The following FGD4 variants were observed in gnomAD, a reference collection of about 807,000 sequenced individuals.
FGD4 encodes the protein FYVE, RhoGEF and PH domain-containing protein 4.
FGD4 carries 42 observed loss-of-function variants against 102.0 expected under a neutral mutation model. The ratio of observed to expected loss-of-function variants is 0.41; its 90% CI spans 0.32 to 0.53. The LOEUF is 0.53. Ranked by LOEUF, FGD4 falls within the 20% of genes least tolerant of loss-of-function variation. The pLI is 0.21. For synonymous variants in FGD4, 380 were observed against 375.7 expected (o/e 1.01, Z -0.13); for missense variants, 902 against 1,078.2 (o/e 0.84, Z 2.29).
At chr12:32,425,718 T>G (rs143378103) in intron 1 of FGD4, among the ~76,000 whole-genome samples, 8,911 of 152,298 alleles carry the variant, frequency 0.059, 385 homozygotes, top group South Asian at 0.13. Context: ...GGAATGTTTT[T>G]CCATTTGTTT....
chr12:32,433,923 T>A (rs1942138399), intron 1 of FGD4, among the ~76,000 whole-genome samples: 2 of 152,050 alleles, frequency 1.3e-5, no homozygotes, highest in Non-Finnish European at 2.9e-5. Flanking sequence ...TGGCGTGATC[T>A]TGGCTCACTG....
intron 1 of FGD4, among the ~76,000 whole-genome samples, chr12:32,421,974 A>C (rs1483992564): frequency 1.3e-5 from 2 of 151,716 alleles, no homozygotes; most frequent in Non-Finnish European, 2.9e-5. Flanking sequence ...CCCTGTCTCT[A>C]CTAAAAAAAA....
At chr12:32,400,010 G>T in intron 1 of FGD4, 51 bp downstream of exon 1, 3 of 1,412,486 alleles carry the variant, frequency 2.1e-6, no homozygotes, top group Non-Finnish European at 2.7e-6. Context: ...GTAGGTGCGG[G>T]TGAGGGGCGC....
intron 15 of FGD4, among the ~76,000 whole-genome samples, chr12:32,635,055 T>C (rs1361198579): frequency 1.3e-5 from 2 of 152,182 alleles, no homozygotes; most frequent in African/African-American, 4.8e-5. Context: ...AGCGTACAAG[T>C]ATACCTGTAC....
chr12:32,527,450 G>A (rs7980571), intron 1 of FGD4, among the ~76,000 whole-genome samples: 27,600 of 151,134 alleles, frequency 0.18, 3,066 homozygotes, highest in Middle Eastern at 0.35. Flanking sequence ...TTTTTTTTGA[G>A]ACAGAGTCTC....
At chr12:32,594,807 G>A (rs747439858) in intron 4 of FGD4, among the ~76,000 whole-genome samples, 9 of 152,148 alleles carry the variant, frequency 5.9e-5, no homozygotes, top group Admixed American at 1.3e-4. Context: ...CAAAGCAGGC[G>A]GAACACAAGG....
At chr12:32,625,901 C>A in intron 14 of FGD4, 122 bp downstream of exon 14, 2 of 1,325,468 alleles carry the variant, frequency 1.5e-6, no homozygotes, top group Non-Finnish European at 2.2e-6. Context: ...ATTTTGGTGC[C>A]AATTACGTGC....
chr12:32,618,668 C>CA (rs1949598618), intron 10 of FGD4, among the ~76,000 whole-genome samples: 1 of 151,914 alleles, frequency 6.6e-6, no homozygotes, highest in Non-Finnish European at 1.5e-5. Context: ...CCTGTATCTA[C>CA]AAAAAAAATT....
chr12:32,555,506 T>A (rs1004370534), intron 1 of FGD4, among the ~76,000 whole-genome samples: 13 of 150,942 alleles, frequency 8.6e-5, no homozygotes, highest in African/African-American at 3.2e-4. Context: ...TGGGTGCAAG[T>A]GGGAGACGAG....
intron 11 of FGD4, 41 bp downstream of exon 11, chr12:32,619,911 GCAAC>G: frequency 6.2e-7 from 1 of 1,606,122 alleles, no homozygotes; most frequent in Non-Finnish European, 8.5e-7. Flanking sequence ...CCAAAATCAG[GCAAC>G]AGAATGAATC....
chr12:32,532,298 A>G (rs1015528173), intron 1 of FGD4, among the ~76,000 whole-genome samples: 4 of 152,208 alleles, frequency 2.6e-5, no homozygotes, highest in Non-Finnish European at 5.9e-5. Context: ...GATCACAGGT[A>G]AAGGGTGACT....
At chr12:32,634,981 T>C (rs910214770) in intron 15 of FGD4, among the ~76,000 whole-genome samples, 2 of 107,946 alleles carry the variant, frequency 1.9e-5, no homozygotes, top group African/African-American at 1.0e-4. Context: ...AGCTAGACTC[T>C]GTCTCAAAAA....
At position 32,576,464 on chromosome 12, in the gene FGD4, A is replaced by C; in HGVS notation, c.503+15A>C. 6.2e-7 allele frequency: 1 copy of C among 1,614,036 alleles called. No individual in the cohort carries two copies. Among genetic ancestry groups the C allele is most frequent in the Non-Finnish European group, 8.5e-7 (1 of 1,179,886 alleles). ...GAAGGAGGCAGGTAAGAGCTAATTT[A>C]CAATGGGAGAAGGCAGGAGAAGAAG... On this transcript the variant is annotated intron_variant, in intron 3 of 16. Transcript: ENST00000534526.
At chr12:32,471,022 T>A (rs1247670100) in intron 1 of FGD4, among the ~76,000 whole-genome samples, 1 of 152,188 alleles carries the variant, frequency 6.6e-6, no homozygotes, top group South Asian at 2.1e-4. Context: ...GACCCTGTGA[T>A]GGTTAATTTT....
chr12:32,599,382 T>C (rs1948168731), intron 5 of FGD4, among the ~76,000 whole-genome samples: 1 of 139,190 alleles, frequency 7.2e-6, no homozygotes, highest in Middle Eastern at 3.5e-3. Flanking sequence ...TAGTCCCAGC[T>C]ACTCGGGAGG....
chr12:32,644,984 A>G lies in FGD4; in HGVS notation c.*4451A>G, dbSNP rs1951336569. The G allele has an allele frequency of 6.6e-6, 1 of 152,070 alleles. No homozygotes were observed. Among genetic ancestry groups the G allele is most frequent in the South Asian group, 2.1e-4 (1 of 4,828 alleles). The allele number at this position is 152,070 out of a possible 1,614,324, so 9.4% of individuals were successfully genotyped here. A position where few individuals can be genotyped will look rare whatever the true frequency, so the allele number is the denominator to read the frequency against. On this transcript the variant is annotated 3_prime_UTR_variant, in exon 17 of 17. Coordinates refer to ENST00000534526, the MANE Select transcript of FGD4 (RefSeq NM_001370298.3). Reference sequence around the variant, plus strand: ...ATCTTTTCCTGTATTTTGACATGAAATAGCACATGGCTTCTACAAGATAGT... The same window carrying G: ...ATCTTTTCCTGTATTTTGACATGAAGTAGCACATGGCTTCTACAAGATAGT...
chr12:32,540,416 A>G (rs1316575676), intron 1 of FGD4, among the ~76,000 whole-genome samples: 1 of 152,378 alleles, frequency 6.6e-6, no homozygotes, highest in Admixed American at 6.5e-5. Flanking sequence ...ACGTATGCAA[A>G]AGCAGAGAGA....
At chr12:32,534,159 C>T (rs539454991) in intron 1 of FGD4, 1 of 289,544 alleles carries the variant, frequency 3.5e-6, no homozygotes, top group African/African-American at 2.3e-5. Flanking sequence ...TTAAAGGTTC[C>T]ATGTGCCTCA....
chr12:32,515,771 G>A (rs1051255025), intron 1 of FGD4, among the ~76,000 whole-genome samples: 5 of 152,098 alleles, frequency 3.3e-5, no homozygotes, highest in Non-Finnish European at 5.9e-5. Context: ...AAGAGACATG[G>A]GCAGATGGAA....
Sources: gnomAD v4.1 joint callset for allele counts (sites outside exome capture counted in the v4.1 genomes callset) on GRCh38, gnomAD v4.1.1 for gene constraint, MANE v1.5 for transcripts, NCBI Gene and HGNC (gene_info 2026-07-23, HGNC 2026-07-21) for gene names.